Variants in CNTN3 observed in about 807,000 individuals in gnomAD.
CNTN3 encodes the protein contactin-3.
A neutral mutation model predicts 119.1 loss-of-function variants in CNTN3; 60 were observed. The observed-to-expected ratio is 0.50, with a 90% CI of 0.41 to 0.62. The LOEUF (loss-of-function observed/expected upper bound fraction) is 0.62. Ranked by LOEUF, CNTN3 falls within the 20% of genes least tolerant of loss-of-function variation. CNTN3 has a pLI of 0.00. For missense variants in CNTN3, 1,101 were observed against 1,242.4 expected (o/e 0.89, Z 1.71); for synonymous variants, 450 against 438.7 (o/e 1.03, Z -0.32).
At chr3:74,602,951 TGAA>T (rs1213104967) in intron 1 of CNTN3, among the ~76,000 whole-genome samples, 1 of 152,082 alleles carries the variant, frequency 6.6e-6, no homozygotes, top group African/African-American at 2.4e-5. Context: ...AAATCTGAAA[TGAA>T]GAAGGTTTAT....
chr3:74,593,071 G>A (rs978839220), intron 1 of CNTN3, among the ~76,000 whole-genome samples: 4 of 151,850 alleles, frequency 2.6e-5, no homozygotes, highest in African/African-American at 9.7e-5. Flanking sequence ...TTTTTGTTTT[G>A]TTTTGTTTTT....
intron 4 of CNTN3, among the ~76,000 whole-genome samples, chr3:74,428,665 C>T (rs1371383900): frequency 6.6e-6 from 1 of 152,066 alleles, no homozygotes; most frequent in African/African-American, 2.4e-5. Context: ...ATCACTGAAA[C>T]ATATTTTTAT....
chr3:74,325,212 T>C (rs1703099221), intron 13 of CNTN3, among the ~76,000 whole-genome samples: 1 of 152,244 alleles, frequency 6.6e-6, no homozygotes, highest in South Asian at 2.1e-4. Flanking sequence ...CTAGATTTTC[T>C]TTTAAATTAA....
At chr3:74,356,833 CTG>C (rs1232139521) in intron 11 of CNTN3, among the ~76,000 whole-genome samples, 2 of 152,282 alleles carry the variant, frequency 1.3e-5, no homozygotes, top group East Asian at 3.9e-4. Context: ...GCCTCACTGA[CTG>C]AGATCCACAT....
intron 1 of CNTN3, among the ~76,000 whole-genome samples, chr3:74,582,349 T>C (rs1194472249): frequency 6.6e-6 from 1 of 151,606 alleles, no homozygotes; most frequent in Non-Finnish European, 1.5e-5. Flanking sequence ...GAGGCTGCAG[T>C]GAGCCAAGAT....
At chr3:74,455,998 C>T (rs1217961255) in intron 4 of CNTN3, among the ~76,000 whole-genome samples, 1 of 152,076 alleles carries the variant, frequency 6.6e-6, no homozygotes, top group East Asian at 1.9e-4. Context: ...TAGATTATTA[C>T]ACATATGTGT....
chr3:74,284,428 A>C (rs1300755017), intron 20 of CNTN3, among the ~76,000 whole-genome samples: 1 of 152,186 alleles, frequency 6.6e-6, no homozygotes, highest in African/African-American at 2.4e-5. Context: ...AATCCTTTCA[A>C]GCCATACTTC....
intron 1 of CNTN3, among the ~76,000 whole-genome samples, chr3:74,567,486 A>T (rs1704245910): frequency 6.6e-6 from 1 of 151,936 alleles, no homozygotes; most frequent in Admixed American, 6.6e-5. Context: ...TCTCTGATAG[A>T]TGACTATGAA....
chr3:74,388,441 T>C (rs1704812740), intron 5 of CNTN3, among the ~76,000 whole-genome samples: 2 of 151,848 alleles, frequency 1.3e-5, no homozygotes, highest in South Asian at 4.2e-4. Flanking sequence ...TTAAGAAAAA[T>C]TATAACAAGT....
chr3:74,335,092 T>C (rs1299315420), intron 12 of CNTN3, among the ~76,000 whole-genome samples, 182 bp from the exon 13 acceptor site: 2 of 152,190 alleles, frequency 1.3e-5, no homozygotes, highest in Non-Finnish European at 2.9e-5. Flanking sequence ...CAGAGCTACA[T>C]TTCACTGGAT....
chr3:74,327,822 C>T (rs1226943803), intron 13 of CNTN3, among the ~76,000 whole-genome samples: 2 of 151,558 alleles, frequency 1.3e-5, no homozygotes, highest in African/African-American at 2.4e-5. Context: ...ATTTATATTT[C>T]TGCAGAAATG....
At chr3:74,597,222 T>A (rs748720566) in intron 1 of CNTN3, among the ~76,000 whole-genome samples, 1 of 152,084 alleles carries the variant, frequency 6.6e-6, no homozygotes, top group African/African-American at 2.4e-5. Context: ...CAGAAAATCA[T>A]CTTTTATAAC....
In CNTN3 at chr3:74,523,870, G is replaced by A. The variant is rs76731539; in HGVS notation, c.-80-2678C>T. 2.1e-3 allele frequency among the ~76,000 whole-genome samples: 320 copies of A among 151,944 alleles called. 4 individuals are homozygous for A. In the East Asian group the frequency reaches 0.045, roughly 21 times the overall value. The stretch of plus-strand genomic sequence containing the variant: ...TAGATTGATTGATAAATCTCTGAAG[G>A]TAGAACCACAGTTAACCCATCACTG... On this transcript the variant is annotated intron_variant, in intron 1 of 22. Coordinates refer to ENST00000263665, the MANE Select transcript of CNTN3 (RefSeq NM_020872.3).
chr3:74,479,303 T>A (rs1013140002), intron 4 of CNTN3, among the ~76,000 whole-genome samples: 1 of 152,032 alleles, frequency 6.6e-6, no homozygotes, highest in Non-Finnish European at 1.5e-5. Flanking sequence ...GGAATTTGGT[T>A]AGGTTGGTGC....
At chr3:74,561,592 G>C (rs1704154864) in intron 1 of CNTN3, among the ~76,000 whole-genome samples, 1 of 152,080 alleles carries the variant, frequency 6.6e-6, no homozygotes, top group Non-Finnish European at 1.5e-5. Flanking sequence ...CTCAGCAGAG[G>C]CCTCCCGCAC....
chr3:74,579,633 T>C lies in CNTN3; in HGVS notation c.-81+34758A>G, dbSNP rs549765424. On this transcript the variant is annotated intron_variant, in intron 1 of 22. Transcript: ENST00000263665. ...AAAGGGTAAACTGATCCACAGATATTAGAGAACTAAACAACATACTTCTAA... is the reference window on the plus strand; with the variant it reads ...AAAGGGTAAACTGATCCACAGATATCAGAGAACTAAACAACATACTTCTAA... Among the ~76,000 whole-genome samples, 4 of 152,192 alleles carry C rather than the reference T, an allele frequency of 2.6e-5. No individual in the cohort carries two copies. In the South Asian group the frequency reaches 6.2e-4, roughly 24 times the overall value.
chr3:74,542,553 T>TGA (rs1703856848), intron 1 of CNTN3, among the ~76,000 whole-genome samples: 1 of 152,178 alleles, frequency 6.6e-6, no homozygotes, highest in Non-Finnish European at 1.5e-5. Context: ...CACAGTGATG[T>TGA]GAGAAACATT....
intron 4 of CNTN3, among the ~76,000 whole-genome samples, chr3:74,479,280 AT>A (rs1167894831): frequency 6.6e-6 from 1 of 151,780 alleles, no homozygotes; most frequent in East Asian, 1.9e-4. Flanking sequence ...CCCATAACAA[AT>A]CAAGTCATTG....
chr3:74,480,230 T>C (rs891672065), intron 4 of CNTN3, among the ~76,000 whole-genome samples: 1 of 152,128 alleles, frequency 6.6e-6, no homozygotes, highest in Admixed American at 6.6e-5. Flanking sequence ...AAAATTTGTA[T>C]CCTCTGTGAA....
Sources: allele counts gnomAD v4.1 joint callset (sites outside exome capture counted in the v4.1 genomes callset), GRCh38; gene constraint gnomAD v4.1.1; transcripts MANE v1.5; gene names NCBI Gene and HGNC (gene_info 2026-07-23, HGNC 2026-07-21).